ZSCAN20: variants seen among roughly 807,000 people sequenced by gnomAD.
The protein encoded by ZSCAN20 is zinc finger and SCAN domain-containing protein 20.
A neutral mutation model predicts 97.1 loss-of-function variants in ZSCAN20; 39 were observed. The observed-to-expected ratio is 0.40, with a 90% CI of 0.31 to 0.52. The LOEUF (loss-of-function observed/expected upper bound fraction) is 0.52, where lower values mean the gene tolerates loss of function less well. Ranked by LOEUF, ZSCAN20 falls within the 20% of genes least tolerant of loss-of-function variation. The pLI is 0.49. For missense variants in ZSCAN20, 1,115 were observed against 1,290.4 expected (o/e 0.86, Z 2.08); for synonymous variants, 456 against 467.3 (o/e 0.98, Z 0.31).
intron 1 of ZSCAN20, among the ~76,000 whole-genome samples, chr1:33,477,359 T>C (rs1168725673): frequency 6.6e-6 from 1 of 152,042 alleles, no homozygotes; most frequent in Non-Finnish European, 1.5e-5. Flanking sequence ...TACCACCATC[T>C]CTCCATTCTC....
rs973753371 is a variant in ZSCAN20, at chr1:33,479,456, A to G, written c.168A>G (p.Gln56=). 24 of 1,614,106 alleles carry G rather than the reference A, an allele frequency of 1.5e-5. No individual in the cohort carries two copies. The highest frequency in any genetic ancestry group is 1.9e-5 in the Non-Finnish European group (22 of 1,180,028). ...GPEASRQRFR[Q]FQYRDAAGPH... is the part of the protein sequence containing the mutation. The stretch of plus-strand genomic sequence containing the variant: ...AGGCCTCCCGCCAGCGCTTCAGGCA[A>G]TTCCAATACAGGGATGCAGCTGGAC... Residue 56 remains glutamine (Q), a synonymous_variant, in exon 2 of 8, where the codon CAA becomes CAG. Transcript: ENST00000684572.
In ZSCAN20 at chr1:33,491,412, G is replaced by A. The variant is rs369076647; in HGVS notation, c.1154G>A (p.Arg385Gln). The change falls in exon 6 of 8, where the codon CGG becomes CAG. Residue 385 changes from arginine to glutamine, a missense_variant. Arg to Gln is a conservative substitution (Grantham distance 43). This residue lies in a region of ZSCAN20 where 508 missense variants were observed against 611.2 expected (regional missense o/e 0.83). Coordinates refer to ENST00000684572, the MANE Select transcript of ZSCAN20 (RefSeq NM_001377376.1). The surrounding 1 kb of genome is among the most constrained non-coding windows in gnomAD (Gnocchi z 4.3). ...CGCTATAGGGTCAAAAACCTCCTACGGAATTACCGGAAAGCCAAGAGCAGC... is the reference window on the plus strand; with the variant it reads ...CGCTATAGGGTCAAAAACCTCCTACAGAATTACCGGAAAGCCAAGAGCAGC... ...QCRYRVKNLL[R>Q]NYRKAKSSHP... 18 of 1,614,030 alleles carry A rather than the reference G, an allele frequency of 1.1e-5. No homozygotes were observed. The highest frequency in any genetic ancestry group is 5.3e-5 in the African/African-American group (4 of 74,898).
Position 33,491,008 on chromosome 1 carries a change from T to G in ZSCAN20, c.767-17T>G. On this transcript the variant is annotated splice_polypyrimidine_tract_variant and intron_variant, in intron 5 of 7. Coordinates refer to ENST00000684572, the MANE Select transcript of ZSCAN20 (RefSeq NM_001377376.1). This position sits in a 1 kb window ranked among gnomAD's most constrained non-coding sequence, Gnocchi z 4.3. ...CAACAGACCATTTCTACTCTGTCAT[T>G]TCTCTTCCTTTTGTAGGAGTTCCAG... The G allele has an allele frequency of 6.3e-7, 1 of 1,580,180 alleles. No individual in the cohort carries two copies. The highest frequency in any genetic ancestry group is 2.2e-5 in the East Asian group (1 of 44,690).
chr1:33,488,397 T>C, intron 2 of ZSCAN20, 68 bp from the exon 3 acceptor site: 3 of 1,521,918 alleles, frequency 2.0e-6, no homozygotes, highest in South Asian at 2.4e-5. Context: ...TGGACTGCAG[T>C]TGTACTCAAA....
intron 2 of ZSCAN20, among the ~76,000 whole-genome samples, chr1:33,484,810 T>A (rs1372655476): frequency 6.6e-6 from 1 of 151,738 alleles, no homozygotes; most frequent in Non-Finnish European, 1.5e-5. Flanking sequence ...TTAGTGGAGA[T>A]GGGGTTTCAC....
In ZSCAN20 at chr1:33,494,627, T is replaced by C; in HGVS notation, c.2283T>C (p.Thr761=). 1 of 1,613,838 alleles carries C rather than the reference T, an allele frequency of 6.2e-7. No homozygotes were observed. Residue 761 remains threonine (T), a synonymous_variant, in exon 8 of 8, where the codon ACT becomes ACC. Coordinates refer to ENST00000684572, the MANE Select transcript of ZSCAN20 (RefSeq NM_001377376.1). ...TCAATACCCATCAGAGAATCCACAC[T>C]GGAGAGAAGCCCTATAAATGCCTTG... is the stretch of plus-strand genomic sequence containing the variant. ...SNLNTHQRIH[T]GEKPYKCLEC...
At position 33,493,663 on chromosome 1, in the gene ZSCAN20, G is replaced by C; in HGVS notation, c.1873+48G>C. 6.7e-7 allele frequency: 1 copy of C among 1,498,244 alleles called. No individual in the cohort carries two copies. Among genetic ancestry groups the C allele is most frequent in the Non-Finnish European group, 8.9e-7 (1 of 1,123,774 alleles). The allele number at this position is 1,498,244 out of a possible 1,614,324, so 92.8% of individuals were successfully genotyped here. On this transcript the variant is annotated intron_variant, in intron 7 of 7. Transcript: ENST00000684572. The surrounding 1 kb of genome is among the most constrained non-coding windows in gnomAD (Gnocchi z 4.3). ...TTCTCAAAATCTGTGGGCATGTGGA[G>C]AGAATGAGGAAGCCAGGCTCATTAT...
rs540942056 is a variant in ZSCAN20 at position 33,497,670 on chromosome 1, T to A, written c.*2194T>A. Among the ~76,000 whole-genome samples the A allele has an allele frequency of 1.3e-5, 2 of 152,104 alleles. No homozygotes were observed. Among genetic ancestry groups the A allele is most frequent in the South Asian group, 4.1e-4 (2 of 4,826 alleles). ...GGCCTTTTGGGACACTGTTGTGGTA[T>A]TTCAGCTAAAGGCTAGGGTCTGAAC... On this transcript the variant is annotated 3_prime_UTR_variant, in exon 8 of 8. Coordinates refer to ENST00000684572, the MANE Select transcript of ZSCAN20 (RefSeq NM_001377376.1).
At position 33,493,635 on chromosome 1, in the gene ZSCAN20, A is replaced by T; in HGVS notation, c.1873+20A>T. The T allele has an allele frequency of 6.5e-7, 1 of 1,526,952 alleles. No homozygotes were observed. The highest frequency in any genetic ancestry group is 8.8e-7 in the Non-Finnish European group (1 of 1,138,552). 94.6% of individuals were successfully genotyped at this position (1,526,952 alleles called of 1,614,324 possible). ...ACATGGGTAAGCCTGGAGTAATTGG[A>T]TGTTCTCAAAATCTGTGGGCATGTG... is the stretch of plus-strand genomic sequence containing the variant. On this transcript the variant is annotated intron_variant, in intron 7 of 7. Coordinates refer to ENST00000684572, the MANE Select transcript of ZSCAN20 (RefSeq NM_001377376.1). The surrounding 1 kb of genome is among the most constrained non-coding windows in gnomAD (Gnocchi z 4.3).
rs1325352592 is a variant in ZSCAN20, at chr1:33,499,032, G to A, written c.*3556G>A. Among the ~76,000 whole-genome samples, 1 of 152,244 alleles carries A rather than the reference G, an allele frequency of 6.6e-6. No individual in the cohort carries two copies. Among genetic ancestry groups the A allele is most frequent in the Non-Finnish European group, 1.5e-5 (1 of 68,048 alleles). On this transcript the variant is annotated 3_prime_UTR_variant, in exon 8 of 8. Coordinates refer to ENST00000684572, the MANE Select transcript of ZSCAN20 (RefSeq NM_001377376.1). ...AGCCTCCTCCCAGAAGCCGAGTAAAGCAGCTAGGGTCCCTCCATGCTAAAT... is the reference window on the plus strand; with the variant it reads ...AGCCTCCTCCCAGAAGCCGAGTAAAACAGCTAGGGTCCCTCCATGCTAAAT...
chr1:33,493,668 T>G lies in ZSCAN20; in HGVS notation c.1873+53T>G. On this transcript the variant is annotated intron_variant, in intron 7 of 7. Transcript: ENST00000684572. This position sits in a 1 kb window ranked among gnomAD's most constrained non-coding sequence, Gnocchi z 4.3. ...AAAATCTGTGGGCATGTGGAGAGAA[T>G]GAGGAAGCCAGGCTCATTATCTTTT... The G allele has an allele frequency of 6.7e-7, 1 of 1,491,632 alleles. No individual in the cohort carries two copies. The highest frequency in any genetic ancestry group is 8.9e-7 in the Non-Finnish European group (1 of 1,118,982). The allele number at this position is 1,491,632 out of a possible 1,614,324, so 92.4% of individuals were successfully genotyped here.
Position 33,494,269 on chromosome 1 carries a change from T to C in ZSCAN20, c.1925T>C (p.Phe642Ser), listed in dbSNP as rs777546066. ...DEDQISEQDI[F>S]EGLPGALSKC... ...GACCAGATTTCAGAGCAGGACATTT[T>C]TGAGGGTTTGCCTGGAGCCTTATCA... Residue 642 changes from phenylalanine to serine, a missense_variant, in exon 8 of 8, where the codon TTT becomes TCT. Phe to Ser is a radical substitution (Grantham distance 155). Coordinates refer to ENST00000684572, the MANE Select transcript of ZSCAN20 (RefSeq NM_001377376.1). 1.0e-5 allele frequency: 16 copies of C among 1,603,896 alleles called. No individual in the cohort carries two copies. The highest frequency in any genetic ancestry group is 5.2e-5 in the Admixed American group (3 of 57,658).
chr1:33,493,474 A>G lies in ZSCAN20; in HGVS notation c.1732A>G (p.Met578Val). 6.2e-7 allele frequency: 1 copy of G among 1,614,204 alleles called. No individual in the cohort carries two copies. The highest frequency in any genetic ancestry group is 8.5e-7 in the Non-Finnish European group (1 of 1,180,036). The change falls in exon 7 of 8, where the codon ATG (methionine) becomes GTG (valine). Residue 578 changes from methionine to valine, a missense_variant. Met to Val is a conservative substitution (Grantham distance 21, BLOSUM62 1). Coordinates refer to ENST00000684572, the MANE Select transcript of ZSCAN20 (RefSeq NM_001377376.1). This position sits in a 1 kb window ranked among gnomAD's most constrained non-coding sequence, Gnocchi z 4.3. The stretch of plus-strand genomic sequence containing the variant: ...GAGGGCTCGGGCTGCAGTCAGGGCC[A>G]TGGGGACTGTCCGAGAGGCTGCAGG... ...LMRARAAVRAMGTVREAAGLP... is the reference protein window; with the variant it reads ...LMRARAAVRAVGTVREAAGLP...
At position 33,494,323 on chromosome 1, in the gene ZSCAN20, C is replaced by G. The variant is rs760038185; in HGVS notation, c.1979C>G (p.Pro660Arg). ...TGTCCTACAGAAGCTGTTTGCCAAC[C>G]TCTTGACTGGGGAGAAGACAGTGAA... ...SKCPTEAVCQ[P>R]LDWGEDSENE... Residue 660 changes from proline (P) to arginine (R), a missense_variant, in exon 8 of 8, where the codon CCT becomes CGT. By Grantham distance (103) the Pro-to-Arg change is moderately radical. Around this residue, in one of 3 missense-constraint regions of ZSCAN20, gnomAD observed 554 missense variants for 584.9 expected, o/e 0.95. Transcript: ENST00000684572. 2 of 1,614,164 alleles carry G rather than the reference C, an allele frequency of 1.2e-6. No homozygotes were observed. The highest frequency in any genetic ancestry group is 8.5e-7 in the Non-Finnish European group (1 of 1,180,032).
intron 1 of ZSCAN20, among the ~76,000 whole-genome samples, chr1:33,474,109 G>T (rs567065619): frequency 1.3e-5 from 2 of 152,322 alleles, no homozygotes; most frequent in East Asian, 3.9e-4. Flanking sequence ...TGTGCTGCCA[G>T]TGCCCCTTCC....
chr1:33,494,778 C>T lies in ZSCAN20; in HGVS notation c.2434C>T (p.His812Tyr). Residue 812 changes from histidine to tyrosine, a missense_variant, in exon 8 of 8, where the codon CAT (histidine) becomes TAT (tyrosine). This residue lies in a region of ZSCAN20 where 554 missense variants were observed against 584.9 expected (regional missense o/e 0.95). Coordinates refer to ENST00000684572, the MANE Select transcript of ZSCAN20 (RefSeq NM_001377376.1). Reference protein sequence around the residue: ...SFNQSSNLLKHQRIHLGGNPD... With the variant: ...SFNQSSNLLKYQRIHLGGNPD... ...CAACCAGAGCTCAAACCTTCTGAAA[C>T]ATCAGAGAATCCACTTGGGAGGAAA... 1 of 1,614,072 alleles carries T rather than the reference C, an allele frequency of 6.2e-7. No homozygotes were observed. The highest frequency in any genetic ancestry group is 8.5e-7 in the Non-Finnish European group (1 of 1,179,990).
intron 2 of ZSCAN20, among the ~76,000 whole-genome samples, chr1:33,485,672 C>T (rs1342024163): frequency 6.6e-6 from 1 of 152,114 alleles, no homozygotes; most frequent in East Asian, 1.9e-4. Flanking sequence ...CTTGGCCTTC[C>T]AGAGTGCTGG....
chr1:33,493,850 T>G lies in ZSCAN20; in HGVS notation c.1873+235T>G, dbSNP rs1286531603. Among the ~76,000 whole-genome samples, 1 of 152,238 alleles carries G rather than the reference T, an allele frequency of 6.6e-6. No homozygotes were observed. The highest frequency in any genetic ancestry group is 1.5e-5 in the Non-Finnish European group (1 of 68,044). ...TATATCTGGGCGGTTAGAGACTTTATTCAATCCAGTATGACACAGGATATA... is the reference window on the plus strand; with the variant it reads ...TATATCTGGGCGGTTAGAGACTTTAGTCAATCCAGTATGACACAGGATATA... On this transcript the variant is annotated intron_variant, in intron 7 of 7. Coordinates refer to ENST00000684572, the MANE Select transcript of ZSCAN20 (RefSeq NM_001377376.1). The surrounding 1 kb of genome is among the most constrained non-coding windows in gnomAD (Gnocchi z 4.3).
Position 33,494,843 on chromosome 1 carries a change from A to G in ZSCAN20, c.2499A>G (p.Gln833=). The change falls in exon 8 of 8, where the codon CAA becomes CAG. Residue 833 remains glutamine (Q), a synonymous_variant. Transcript: ENST00000684572. ...QCSEPGGNFA[Q]SPSFSAHWRN... ...GTGAGCCTGGGGGAAACTTTGCCCAAAGCCCATCTTTTAGTGCTCACTGGA... is the reference window on the plus strand; with the variant it reads ...GTGAGCCTGGGGGAAACTTTGCCCAGAGCCCATCTTTTAGTGCTCACTGGA... 6.2e-7 allele frequency: 1 copy of G among 1,614,206 alleles called. No individual in the cohort carries two copies. The highest frequency in any genetic ancestry group is 1.1e-5 in the South Asian group (1 of 91,082).
Sources: allele counts gnomAD v4.1 joint callset (sites outside exome capture counted in the v4.1 genomes callset), GRCh38; gene constraint gnomAD v4.1.1; regional missense constraint gnomAD v4.1.1; non-coding constraint Gnocchi (gnomAD v3.1); transcripts MANE v1.5; gene names NCBI Gene and HGNC (gene_info 2026-07-23, HGNC 2026-07-21).